Variants in CRTC3 observed in about 807,000 individuals in gnomAD.
CRTC3 encodes CREB-regulated transcription coactivator 3.
In CRTC3, 26 loss-of-function variants were observed where a neutral mutation model predicts 74.5. That is an observed-to-expected ratio of 0.35 (90% CI 0.26 to 0.48). The LOEUF is 0.48. Ranked by LOEUF, CRTC3 falls within the 20% of genes least tolerant of loss-of-function variation. CRTC3 has a pLI of 0.99. For synonymous variants in CRTC3, 377 were observed against 325.8 expected (o/e 1.16, Z -1.69); for missense variants, 760 against 787.3 (o/e 0.97, Z 0.41).
At chr15:90,630,374 G>C (rs951076298) in intron 11 of CRTC3, among the ~76,000 whole-genome samples, 4 of 152,220 alleles carry the variant, frequency 2.6e-5, no homozygotes, top group African/African-American at 9.7e-5. Flanking sequence ...TGCTAAGTAT[G>C]TTGAGGATTA....
At chr15:90,616,793 A>T (rs540779759) in intron 7 of CRTC3, among the ~76,000 whole-genome samples, 17 of 152,318 alleles carry the variant, frequency 1.1e-4, no homozygotes, top group African/African-American at 3.6e-4. Flanking sequence ...TGGTCCCTTT[A>T]TACAGGTTGT....
chr15:90,622,565 T>C (rs1596133687), intron 9 of CRTC3, among the ~76,000 whole-genome samples: 1 of 152,116 alleles, frequency 6.6e-6, no homozygotes, highest in East Asian at 1.9e-4. Flanking sequence ...TAAGACAAAA[T>C]TCAGGCTGGG....
intron 3 of CRTC3, among the ~76,000 whole-genome samples, chr15:90,597,154 G>C (rs574952573): frequency 1.8e-4 from 28 of 152,380 alleles, no homozygotes; most frequent in African/African-American, 6.5e-4. Context: ...GCCAGGGCTT[G>C]CTCCTGGCTG....
chr15:90,569,162 A>G (rs927571683), intron 2 of CRTC3, among the ~76,000 whole-genome samples: 1 of 151,292 alleles, frequency 6.6e-6, no homozygotes, highest in African/African-American at 2.4e-5. Flanking sequence ...CCAGCTAATA[A>G]TTTTCATTTG....
chr15:90,585,000 A>G (rs1967627154), intron 2 of CRTC3, among the ~76,000 whole-genome samples: 1 of 152,220 alleles, frequency 6.6e-6, no homozygotes, highest in Non-Finnish European at 1.5e-5. Context: ...AAATGAGACT[A>G]CTGGAGCCAA....
intron 14 of CRTC3, among the ~76,000 whole-genome samples, chr15:90,641,612 G>A (rs1969445710): frequency 6.6e-6 from 1 of 151,916 alleles, no homozygotes; most frequent in South Asian, 2.1e-4. Flanking sequence ...AGGCAGAATG[G>A]CACCAACCCA....
chr15:90,611,324 T>C (rs895549674), intron 6 of CRTC3, among the ~76,000 whole-genome samples: 6 of 152,136 alleles, frequency 3.9e-5, no homozygotes, highest in Non-Finnish European at 7.4e-5. Context: ...TCGGTTCCCT[T>C]AGTTAGAAGA....
chr15:90,636,133 A>C (rs1334206585), intron 11 of CRTC3, among the ~76,000 whole-genome samples: 848 of 118,836 alleles, frequency 7.1e-3, no homozygotes, highest in African/African-American at 0.01. Context: ...AGCTGGAGGC[A>C]TCATGCTACC....
chr15:90,629,433 C>T lies in CRTC3; in HGVS notation c.1167C>T (p.Pro389=), dbSNP rs369155423. Residue 389 remains proline, a synonymous_variant, in exon 11 of 15, where the codon CCC becomes CCT. Coordinates refer to ENST00000268184, the MANE Select transcript of CRTC3 (RefSeq NM_022769.5). ...GCCCGTCTCGGCGTCGGCAGCCTCC[C>T]GTCAGCCCTCTCACGCTTTCTCCTG... ...LSGPSRRRQP[P]VSPLTLSPGP... The T allele has an allele frequency of 2.0e-5, 32 of 1,614,006 alleles. No homozygotes were observed. The highest frequency in any genetic ancestry group is 1.1e-4 in the East Asian group (5 of 44,890).
chr15:90,630,825 C>T (rs1969014222), intron 11 of CRTC3, among the ~76,000 whole-genome samples: 1 of 12,352 alleles, frequency 8.1e-5, no homozygotes, highest in African/African-American at 1.5e-4. Flanking sequence ...GGTCGGACTG[C>T]GGACTGCAGT....
chr15:90,641,792 G>A (rs1348398022), intron 14 of CRTC3, 140 bp from the exon 15 acceptor site: 2 of 680,198 alleles, frequency 2.9e-6, no homozygotes, highest in Admixed American at 2.5e-5. Context: ...TAGATTCCAG[G>A]GCAAGAACTG....
chr15:90,620,219 G>T, intron 9 of CRTC3: 1 of 186,214 alleles, frequency 5.4e-6, no homozygotes, highest in South Asian at 1.1e-4. Context: ...TTAATTAAGA[G>T]AGTTTCTGTG....
At chr15:90,591,804 A>G (rs1340347849) in intron 2 of CRTC3, among the ~76,000 whole-genome samples, 2 of 152,238 alleles carry the variant, frequency 1.3e-5, no homozygotes, top group African/African-American at 2.4e-5. Flanking sequence ...CTCAAAAAAA[A>G]GAGATCCTGT....
intron 10 of CRTC3, among the ~76,000 whole-genome samples, chr15:90,627,459 A>G (rs1306029452): frequency 6.6e-6 from 1 of 152,154 alleles, no homozygotes; most frequent in African/African-American, 2.4e-5. Flanking sequence ...AAGCAGCATC[A>G]GCACATAGCT....
intron 6 of CRTC3, among the ~76,000 whole-genome samples, chr15:90,613,225 C>G (rs947168840): frequency 3.3e-5 from 5 of 151,606 alleles, no homozygotes; most frequent in African/African-American, 1.2e-4. Context: ...ATTCCTTGGC[C>G]GACTCTCACA....
intron 2 of CRTC3, among the ~76,000 whole-genome samples, chr15:90,583,454 A>G (rs1247457499): frequency 1.3e-5 from 2 of 152,190 alleles, no homozygotes; most frequent in Non-Finnish European, 2.9e-5. Context: ...CATGCCTCAC[A>G]GCAAGACTTA....
At chr15:90,573,289 A>T (rs756396787) in intron 2 of CRTC3, among the ~76,000 whole-genome samples, 1 of 152,146 alleles carries the variant, frequency 6.6e-6, no homozygotes, top group Non-Finnish European at 1.5e-5. Context: ...GATACCTTGG[A>T]GTCTGTCTAC....
intron 7 of CRTC3, among the ~76,000 whole-genome samples, chr15:90,616,852 A>G (rs1968506129): frequency 6.6e-6 from 1 of 152,202 alleles, no homozygotes; most frequent in South Asian, 2.1e-4. Flanking sequence ...GCCCAGCCTC[A>G]GATCCTCTTG....
At chr15:90,576,073 AG>A (rs1967397015) in intron 2 of CRTC3, among the ~76,000 whole-genome samples, 1 of 152,072 alleles carries the variant, frequency 6.6e-6, no homozygotes, top group Non-Finnish European at 1.5e-5. Context: ...TGGATAGATG[AG>A]GAGTTGAGGA....
Sources: gnomAD v4.1 joint callset for allele counts (sites outside exome capture counted in the v4.1 genomes callset) on GRCh38, gnomAD v4.1.1 for gene constraint, MANE v1.5 for transcripts, NCBI Gene and HGNC (gene_info 2026-07-23, HGNC 2026-07-21) for gene names.